The following DSTYK variants were observed in gnomAD, a reference collection of about 807,000 sequenced individuals.
The protein encoded by DSTYK is dual serine/threonine and tyrosine protein kinase.
DSTYK carries 34 observed loss-of-function variants against 98.7 expected under a neutral mutation model. The ratio of observed to expected loss-of-function variants is 0.34; its 90% CI spans 0.26 to 0.46. DSTYK has a LOEUF of 0.46. DSTYK is among the 20% of genes least tolerant of loss of function. The pLI, the probability that DSTYK is intolerant of heterozygous loss-of-function variation, is 1.00. For synonymous variants in DSTYK, 462 were observed against 457.3 expected, an observed-to-expected ratio of 1.01 and a Z score of -0.13; for missense variants, 962 against 1,181.7, an observed-to-expected ratio of 0.81 and a Z score of 2.73.
At chr1:205,161,990 C>T (rs751747910) in intron 6 of DSTYK, 46 bp downstream of exon 6, 27 of 1,581,864 alleles carry the variant, frequency 1.7e-5, no homozygotes, top group Middle Eastern at 3.8e-4. Flanking sequence ...CTGGATGAGG[C>T]TCTTCTCTGC....
intron 1 of DSTYK, among the ~76,000 whole-genome samples, chr1:205,188,774 T>G (rs1658628732): frequency 6.6e-6 from 1 of 152,256 alleles, no homozygotes; most frequent in Non-Finnish European, 1.5e-5. Flanking sequence ...ATCTCTCTGA[T>G]GGCTGGTGAC....
chr1:205,180,563 C>G (rs1394359530), intron 2 of DSTYK, among the ~76,000 whole-genome samples: 1 of 152,198 alleles, frequency 6.6e-6, no homozygotes, highest in Admixed American at 6.5e-5. Context: ...TTCCCAGGCT[C>G]AAGTGGTCTT....
intron 10 of DSTYK, among the ~76,000 whole-genome samples, chr1:205,156,147 C>T (rs903734224): frequency 3.9e-5 from 6 of 152,170 alleles, no homozygotes; most frequent in African/African-American, 1.4e-4. Flanking sequence ...AGGGGTGGAG[C>T]CCCCATGGAG....
At chr1:205,181,195 C>T (rs1658386336) in intron 2 of DSTYK, among the ~76,000 whole-genome samples, 1 of 151,876 alleles carries the variant, frequency 6.6e-6, no homozygotes, top group East Asian at 1.9e-4. Context: ...ATTTTTTGGC[C>T]CAATTCCATA....
In DSTYK at chr1:205,150,643, G is replaced by A. The variant is rs926202894; in HGVS notation, c.2467+37C>T. ...GTAGCACTCAGGATTAAAGTAGTAC[G>A]CCCTGCCCAGACCCACTGCCTGCCC... On this transcript the variant is annotated intron_variant, in intron 11 of 12. Transcript: ENST00000367162. The surrounding 1 kb of genome is among the most constrained non-coding windows in gnomAD (Gnocchi z 4.1). 8.6e-6 allele frequency: 13 copies of A among 1,509,110 alleles called. No individual in the cohort carries two copies. Among genetic ancestry groups the A allele is most frequent in the Admixed American group, 1.7e-5 (1 of 59,238 alleles). The allele number at this position is 1,509,110 out of a possible 1,614,324, so 93.5% of individuals were successfully genotyped here. A position where few individuals can be genotyped will look rare whatever the true frequency, so the allele number is the denominator to read the frequency against.
At chr1:205,197,648 G>A (rs548388275) in intron 1 of DSTYK, among the ~76,000 whole-genome samples, 9 of 152,060 alleles carry the variant, frequency 5.9e-5, no homozygotes, top group African/African-American at 2.2e-4. Flanking sequence ...GCAATAACAG[G>A]ATTTGAACAA....
chr1:205,160,848 T>A (rs989961075), intron 7 of DSTYK, among the ~76,000 whole-genome samples: 8 of 151,922 alleles, frequency 5.3e-5, no homozygotes, highest in African/African-American at 1.9e-4. Context: ...AGTGGTATGA[T>A]CTTGGCTCAC....
intron 1 of DSTYK, among the ~76,000 whole-genome samples, chr1:205,189,609 T>C (rs538744784): frequency 4.4e-4 from 67 of 152,202 alleles, no homozygotes; most frequent in Non-Finnish European, 7.9e-4. Flanking sequence ...AAGAGGTGGT[T>C]CTACTTCAGA....
Position 205,211,370 on chromosome 1 carries a change from T to G in DSTYK, c.166A>C (p.Lys56Gln), listed in dbSNP as rs1365215458. Residue 56 changes from lysine to glutamine, a missense_variant, in exon 1 of 13, where the codon AAG (lysine) becomes CAG (glutamine). Lys to Gln is a moderately conservative substitution (Grantham distance 53). Coordinates refer to ENST00000367162, the MANE Select transcript of DSTYK (RefSeq NM_015375.3). Reference protein sequence around the residue: ...RETQKFFRDIKCSHNHTCLSS... With the variant: ...RETQKFFRDIQCSHNHTCLSS... ...AGACAAGTGTGGTTGTGGGAGCACT[T>G]GATGTCGCGGAAGAACTTCTGGGTC... The G allele has an allele frequency of 6.2e-7, 1 of 1,612,432 alleles. No individual in the cohort carries two copies. Among genetic ancestry groups the G allele is most frequent in the African/African-American group, 1.3e-5 (1 of 74,838 alleles).
At chr1:205,191,969 T>C (rs746291381) in intron 1 of DSTYK, among the ~76,000 whole-genome samples, 6 of 152,124 alleles carry the variant, frequency 3.9e-5, no homozygotes, top group Non-Finnish European at 5.9e-5. Context: ...AAAAATCATA[T>C]CAAATTGTCT....
intron 2 of DSTYK, among the ~76,000 whole-genome samples, chr1:205,175,643 A>C (rs1001226582): frequency 3.9e-5 from 6 of 152,144 alleles, no homozygotes; most frequent in African/African-American, 1.4e-4. Flanking sequence ...ACGGTTATAA[A>C]CAAAAAAGGA....
At chr1:205,182,187 G>T (rs1271759094) in intron 2 of DSTYK, among the ~76,000 whole-genome samples, 1 of 151,676 alleles carries the variant, frequency 6.6e-6, no homozygotes, top group Non-Finnish European at 1.5e-5. Flanking sequence ...GATTGCTTGA[G>T]CTCAAGTGTT....
At chr1:205,154,746 G>A (rs1657507700) in intron 10 of DSTYK, among the ~76,000 whole-genome samples, 1 of 152,162 alleles carries the variant, frequency 6.6e-6, no homozygotes, top group Non-Finnish European at 1.5e-5. Flanking sequence ...GGAAAGTTTG[G>A]AACTTCCTAG....
At chr1:205,194,892 G>A (rs1056224086) in intron 1 of DSTYK, among the ~76,000 whole-genome samples, 5 of 152,058 alleles carry the variant, frequency 3.3e-5, no homozygotes, top group African/African-American at 4.8e-5. Flanking sequence ...GAGTGTAGTG[G>A]CATGATCTTG....
chr1:205,165,349 C>T (rs1657857437), intron 3 of DSTYK, among the ~76,000 whole-genome samples: 2 of 152,098 alleles, frequency 1.3e-5, no homozygotes, highest in South Asian at 4.1e-4. Flanking sequence ...CCTTGGCCTC[C>T]CAAAGTGCTG....
At position 205,153,806 on chromosome 1, in the gene DSTYK, C is replaced by T. The variant is rs1311052089; in HGVS notation, c.2353-3012G>A. Among the ~76,000 whole-genome samples the T allele has an allele frequency of 2.6e-5, 4 of 151,386 alleles. No individual in the cohort carries two copies. The East Asian group carries it at 5.9e-4, about 22-fold the overall frequency. On this transcript the variant is annotated intron_variant, in intron 10 of 12. Coordinates refer to ENST00000367162, the MANE Select transcript of DSTYK (RefSeq NM_015375.3). The stretch of plus-strand genomic sequence containing the variant: ...GCAACCTCTGCCTCCAGGGTTCAAG[C>T]GATTCTCCTGCCTCAGCCTCCTAAG...
Position 205,147,333 on chromosome 1 carries a change from TGCTAAAGGGA to T in DSTYK, c.*215_*224del. On this transcript the variant is annotated 3_prime_UTR_variant, in exon 13 of 13. Coordinates refer to ENST00000367162, the MANE Select transcript of DSTYK (RefSeq NM_015375.3). ...CTTTTACACATCTGAGACACTTTTTTGCTAAAGGGATAGCTTGGCGCTTCAGTGAGCTGCT... is the reference window on the plus strand; with the variant it reads ...CTTTTACACATCTGAGACACTTTTTTTAGCTTGGCGCTTCAGTGAGCTGCT... 4.8e-6 allele frequency: 2 copies of T among 419,558 alleles called. No homozygotes were observed. The highest frequency in any genetic ancestry group is 8.6e-6 in the Non-Finnish European group (2 of 233,132). The allele number at this position is 419,558 out of a possible 1,614,324, so 26.0% of individuals were successfully genotyped here.
At chr1:205,178,241 A>G (rs999191857) in intron 2 of DSTYK, among the ~76,000 whole-genome samples, 8 of 152,112 alleles carry the variant, frequency 5.3e-5, no homozygotes, top group Non-Finnish European at 1.2e-4. Context: ...ACTCATGAGC[A>G]TGAAGACTTT....
chr1:205,202,634 T>A (rs1401028403), intron 1 of DSTYK: 1 of 1,189,116 alleles, frequency 8.4e-7, no homozygotes, highest in African/African-American at 1.5e-5. Context: ...ATTGAGATGA[T>A]CCTTACTGAA....
Sources: gnomAD v4.1 joint callset for allele counts (sites outside exome capture counted in the v4.1 genomes callset) on GRCh38, gnomAD v4.1.1 for gene constraint, Gnocchi (gnomAD v3.1) non-coding constraint, MANE v1.5 for transcripts, NCBI Gene and HGNC (gene_info 2026-07-23, HGNC 2026-07-21) for gene names.